Variants in NPAS3 observed in about 807,000 individuals in gnomAD.
NPAS3 encodes neuronal PAS domain protein 3.
Under a neutral mutation model 73.1 loss-of-function variants are expected in NPAS3, and 14 were observed. The observed-to-expected ratio is 0.19, with a 90% CI of 0.13 to 0.30. The LOEUF (loss-of-function observed/expected upper bound fraction) is 0.30, where lower values mean the gene tolerates loss of function less well. NPAS3 is among the 10% of genes least tolerant of loss of function. The pLI is 1.00. For missense variants in NPAS3, 1,096 were observed against 1,250.0 expected (o/e 0.88, Z 1.86); for synonymous variants, 620 against 541.5 (o/e 1.14, Z -2.01).
At chr14:33,326,162 G>A (rs1203315086) in intron 3 of NPAS3, among the ~76,000 whole-genome samples, 2 of 152,136 alleles carry the variant, frequency 1.3e-5, no homozygotes, top group African/African-American at 4.8e-5. Context: ...GGAAGAGAGA[G>A]TGAGAAACAA....
At chr14:33,181,050 C>A (rs1248841923) in intron 2 of NPAS3, among the ~76,000 whole-genome samples, 2 of 152,080 alleles carry the variant, frequency 1.3e-5, no homozygotes, top group African/African-American at 4.8e-5. Context: ...GATGTTACTG[C>A]TTCAATTTTT....
At chr14:33,173,512 A>T (rs1171704691) in intron 2 of NPAS3, among the ~76,000 whole-genome samples, 1 of 152,198 alleles carries the variant, frequency 6.6e-6, no homozygotes, top group Non-Finnish European at 1.5e-5. Flanking sequence ...TTTTAAAAAA[A>T]ACTACAAAAA....
intron 4 of NPAS3, among the ~76,000 whole-genome samples, chr14:33,524,172 T>C (rs1463897610): frequency 6.6e-6 from 1 of 152,194 alleles, no homozygotes; most frequent in Non-Finnish European, 1.5e-5. Context: ...CTGCTGAAAG[T>C]ACTGCCCTCT....
chr14:33,621,775 G>C (rs191954522), intron 5 of NPAS3, among the ~76,000 whole-genome samples: 86 of 151,986 alleles, frequency 5.7e-4, no homozygotes, highest in Admixed American at 2.2e-3. Flanking sequence ...AATGAAAGAA[G>C]AAAAAAACAT....
intron 4 of NPAS3, 92 bp from the exon 5 acceptor site, chr14:33,560,029 C>A: frequency 3.1e-5 from 16 of 516,826 alleles, no homozygotes; most frequent in East Asian, 7.1e-5. Flanking sequence ...AAAAAAAATT[C>A]AATGTATTGC....
intron 1 of NPAS3, among the ~76,000 whole-genome samples, chr14:32,988,524 G>C (rs2038188133): frequency 6.6e-6 from 1 of 152,146 alleles, no homozygotes; most frequent in Non-Finnish European, 1.5e-5. Flanking sequence ...ACATGTTTAG[G>C]ATTCAAGCTT....
chr14:33,644,010 C>G, intron 5 of NPAS3, among the ~76,000 whole-genome samples: 1 of 151,958 alleles, frequency 6.6e-6, no homozygotes, highest in East Asian at 1.9e-4. Flanking sequence ...GATGTATTTT[C>G]TGCTTCATGC....
Position 33,060,146 on chromosome 14 carries a change from G to A in NPAS3, c.140+4152G>A, listed in dbSNP as rs766951752. Among the ~76,000 whole-genome samples the A allele has an allele frequency of 2.6e-5, 4 of 152,298 alleles. No individual in the cohort carries two copies. The South Asian group carries it at 8.3e-4, about 32-fold the overall frequency. On this transcript the variant is annotated intron_variant, in intron 2 of 11. Transcript: ENST00000356141. Reference sequence around the variant, plus strand: ...ATGGAATAGTAGTAGTAAGTTCAAAGGAAATCACCTATATTAAGAAGAATA... The same window carrying A: ...ATGGAATAGTAGTAGTAAGTTCAAAAGAAATCACCTATATTAAGAAGAATA...
Position 33,794,089 on chromosome 14 carries a change from A to G in NPAS3, c.1301+45A>G, listed in dbSNP as rs748031212. On this transcript the variant is annotated intron_variant, in intron 10 of 11. Transcript: ENST00000356141. ...TCTATTTCTGTCCTGGTTATAAAAT[A>G]TGCCATATAAAATATGGCTATGGTT... 5 of 1,551,524 alleles carry G rather than the reference A, an allele frequency of 3.2e-6. No homozygotes were observed. The Admixed American group carries it at 8.4e-5, about 26-fold the overall frequency.
chr14:33,277,954 C>T (rs1173431301), intron 3 of NPAS3, among the ~76,000 whole-genome samples: 3 of 151,978 alleles, frequency 2.0e-5, no homozygotes, highest in African/African-American at 2.4e-5. Flanking sequence ...TTCAGAGGAC[C>T]GTTGCAGAGG....
chr14:33,054,837 C>T (rs1319900474), intron 1 of NPAS3, among the ~76,000 whole-genome samples: 1 of 152,124 alleles, frequency 6.6e-6, no homozygotes, highest in Admixed American at 6.5e-5. Flanking sequence ...TGGTCTTGAT[C>T]TCCTGACCTC....
At chr14:33,077,898 C>T (rs976050032) in intron 2 of NPAS3, among the ~76,000 whole-genome samples, 13 of 151,062 alleles carry the variant, frequency 8.6e-5, no homozygotes, top group African/African-American at 2.2e-4. Flanking sequence ...CTGTAATCCT[C>T]GCATTTTGGG....
At chr14:33,455,367 A>G (rs2049978814) in intron 4 of NPAS3, among the ~76,000 whole-genome samples, 1 of 152,216 alleles carries the variant, frequency 6.6e-6, no homozygotes, top group Admixed American at 6.5e-5. Flanking sequence ...GGTGCCTTCT[A>G]GTGAAATTCT....
intron 2 of NPAS3, among the ~76,000 whole-genome samples, chr14:33,165,552 TTAG>T (rs1166022959): frequency 6.6e-6 from 1 of 151,990 alleles, no homozygotes; most frequent in East Asian, 1.9e-4. Flanking sequence ...TAAAACAAGG[TTAG>T]TAGAATCATT....
intron 3 of NPAS3, among the ~76,000 whole-genome samples, chr14:33,339,559 T>C (rs1198312175): frequency 1.3e-5 from 2 of 152,256 alleles, no homozygotes; most frequent in East Asian, 3.8e-4. Flanking sequence ...GTATTGTGTC[T>C]GACTAGTTTA....
At chr14:33,791,154 G>A (rs2063347199) in intron 9 of NPAS3, among the ~76,000 whole-genome samples, 1 of 152,128 alleles carries the variant, frequency 6.6e-6, no homozygotes, top group Non-Finnish European at 1.5e-5. Flanking sequence ...AAAACCACAG[G>A]TCAGTCAAAC....
intron 5 of NPAS3, among the ~76,000 whole-genome samples, chr14:33,655,559 G>T (rs1485959820): frequency 6.6e-6 from 1 of 152,144 alleles, no homozygotes; most frequent in Non-Finnish European, 1.5e-5. Context: ...GGGTGAGAGA[G>T]AACAGTGTTT....
At chr14:33,778,731 G>A (rs553797518) in intron 9 of NPAS3, among the ~76,000 whole-genome samples, 159 bp downstream of exon 9, 5 of 152,302 alleles carry the variant, frequency 3.3e-5, no homozygotes, top group East Asian at 1.9e-4. Flanking sequence ...TCATTTCAAC[G>A]CGTGTTAGAA....
At chr14:33,411,005 G>C (rs2047898148) in intron 4 of NPAS3, among the ~76,000 whole-genome samples, 1 of 152,112 alleles carries the variant, frequency 6.6e-6, no homozygotes, top group South Asian at 2.1e-4. Flanking sequence ...GGCTTTCAAT[G>C]ATATAGCCTC....
Sources: allele counts gnomAD v4.1 joint callset (sites outside exome capture counted in the v4.1 genomes callset), GRCh38; gene constraint gnomAD v4.1.1; transcripts MANE v1.5; gene names NCBI Gene and HGNC (gene_info 2026-07-23, HGNC 2026-07-21).